SLC25A21: variants seen among roughly 807,000 people sequenced by gnomAD.
SLC25A21 encodes the protein solute carrier family 25 member 21, also known as mitochondrial 2-oxodicarboxylate carrier.
A neutral mutation model predicts 43.8 loss-of-function variants in SLC25A21; 47 were observed. That is an observed-to-expected ratio of 1.07 (90% CI 0.85 to 1.37). The LOEUF is 1.37. Ranked by LOEUF, SLC25A21 falls within the 40% of genes most tolerant of loss-of-function variation. The probability of loss-of-function intolerance (pLI) is 0.00; values close to 1 mark genes in which losing one functional copy is unlikely to be tolerated. For missense variants in SLC25A21, 352 were observed against 350.2 expected (o/e 1.00, Z -0.04); for synonymous variants, 131 against 121.3 (o/e 1.08, Z -0.52).
At chr14:36,688,406 T>C (rs146978464) in intron 7 of SLC25A21, among the ~76,000 whole-genome samples, 1 of 152,344 alleles carries the variant, frequency 6.6e-6, no homozygotes, top group Non-Finnish European at 1.5e-5. Context: ...TACTCCTCTT[T>C]GTGTCACCTG....
intron 2 of SLC25A21, among the ~76,000 whole-genome samples, chr14:36,830,741 G>A (rs1889009080): frequency 1.3e-5 from 2 of 151,964 alleles, no homozygotes; most frequent in Admixed American, 1.3e-4. Flanking sequence ...ACCACACATA[G>A]AAACCCACAT....
intron 2 of SLC25A21, among the ~76,000 whole-genome samples, chr14:36,874,116 T>A (rs1890450681): frequency 6.6e-6 from 1 of 152,224 alleles, no homozygotes; most frequent in Non-Finnish European, 1.5e-5. Flanking sequence ...CTGCTGCCTT[T>A]TTAGGTAGAG....
At chr14:36,909,999 T>C (rs1465592429) in intron 1 of SLC25A21, among the ~76,000 whole-genome samples, 4 of 152,186 alleles carry the variant, frequency 2.6e-5, no homozygotes, top group Non-Finnish European at 5.9e-5. Context: ...CCAGTGCTTC[T>C]ACATGACACT....
chr14:36,783,709 T>C (rs1887153986), intron 3 of SLC25A21, among the ~76,000 whole-genome samples: 1 of 152,198 alleles, frequency 6.6e-6, no homozygotes, highest in Admixed American at 6.5e-5. Flanking sequence ...ATTCTCTAGA[T>C]AGATTTTTTG....
intron 3 of SLC25A21, among the ~76,000 whole-genome samples, chr14:36,789,984 T>C (rs1887425535): frequency 7.5e-6 from 1 of 132,640 alleles, no homozygotes; most frequent in African/African-American, 2.9e-5. Flanking sequence ...TAAAAATATA[T>C]ATATATTTTT....
intron 1 of SLC25A21, among the ~76,000 whole-genome samples, chr14:36,984,078 C>T (rs556251932): frequency 5.3e-5 from 8 of 152,172 alleles, no homozygotes; most frequent in African/African-American, 1.9e-4. Context: ...CAAAGCTCAC[C>T]ATTATGCAAT....
At chr14:36,748,970 C>A (rs2139255384) in intron 3 of SLC25A21, among the ~76,000 whole-genome samples, 1 of 152,320 alleles carries the variant, frequency 6.6e-6, no homozygotes, top group East Asian at 1.9e-4. Flanking sequence ...CTCTGTCTAT[C>A]ATGAATTATT....
intron 7 of SLC25A21, among the ~76,000 whole-genome samples, chr14:36,693,448 T>C (rs1399517060): frequency 6.6e-6 from 1 of 152,130 alleles, no homozygotes; most frequent in African/African-American, 2.4e-5. Flanking sequence ...TTAAAAATTA[T>C]CATCATGGGC....
chr14:37,024,650 C>A (rs1202840933), intron 1 of SLC25A21, among the ~76,000 whole-genome samples: 1 of 151,620 alleles, frequency 6.6e-6, no homozygotes, highest in South Asian at 2.1e-4. Context: ...TAAAAAAAAA[C>A]AGATCAACAG....
At chr14:36,860,037 C>T (rs1890022971) in intron 2 of SLC25A21, among the ~76,000 whole-genome samples, 1 of 151,656 alleles carries the variant, frequency 6.6e-6, no homozygotes, top group Admixed American at 6.6e-5. Context: ...TTTAGGAAGC[C>T]TACACTCCAA....
At chr14:36,694,158 C>T (rs539707590) in intron 7 of SLC25A21, among the ~76,000 whole-genome samples, 5 of 151,886 alleles carry the variant, frequency 3.3e-5, no homozygotes, top group Admixed American at 1.3e-4. Context: ...TGAGAACATG[C>T]GGTGTTTGGT....
intron 1 of SLC25A21, among the ~76,000 whole-genome samples, chr14:37,004,136 T>C (rs1368703914): frequency 6.6e-6 from 1 of 152,222 alleles, no homozygotes; most frequent in Non-Finnish European, 1.5e-5. Context: ...TGGTGCCACA[T>C]GTTCTCTGTG....
intron 9 of SLC25A21, among the ~76,000 whole-genome samples, chr14:36,681,911 T>C (rs1882283249): frequency 1.3e-5 from 2 of 152,198 alleles, no homozygotes; most frequent in Non-Finnish European, 2.9e-5. Context: ...GGGTCATTAA[T>C]GTGTAGGTAA....
At chr14:36,815,100 A>G (rs1377429279) in intron 2 of SLC25A21, among the ~76,000 whole-genome samples, 2 of 152,196 alleles carry the variant, frequency 1.3e-5, no homozygotes, top group African/African-American at 4.8e-5. Context: ...GTTCTCACTC[A>G]TAAGTGGGAG....
At chr14:36,751,153 C>T (rs1241558313) in intron 3 of SLC25A21, among the ~76,000 whole-genome samples, 1 of 152,204 alleles carries the variant, frequency 6.6e-6, no homozygotes, top group African/African-American at 2.4e-5. Flanking sequence ...TTTCATTACA[C>T]CTCTGTCTAT....
At chr14:36,901,878 C>T (rs1171819328) in intron 1 of SLC25A21, among the ~76,000 whole-genome samples, 1 of 152,210 alleles carries the variant, frequency 6.6e-6, no homozygotes, top group Non-Finnish European at 1.5e-5. Flanking sequence ...GCTTAAGTTT[C>T]TGCATCAAAT....
intron 1 of SLC25A21, among the ~76,000 whole-genome samples, chr14:37,069,966 C>G (rs142768150): frequency 2.0e-5 from 3 of 152,266 alleles, no homozygotes; most frequent in East Asian, 3.9e-4. Flanking sequence ...GTTCACCCCA[C>G]TGATAACAAA....
intron 1 of SLC25A21, among the ~76,000 whole-genome samples, chr14:37,019,190 A>G (rs1284126458): frequency 6.6e-6 from 1 of 151,858 alleles, no homozygotes; most frequent in Non-Finnish European, 1.5e-5. Context: ...ATCTCATGCC[A>G]TTGGTTCCTT....
At chr14:36,951,171 C>T (rs1441311831) in intron 1 of SLC25A21, among the ~76,000 whole-genome samples, 1 of 150,620 alleles carries the variant, frequency 6.6e-6, no homozygotes, top group Non-Finnish European at 1.5e-5. Flanking sequence ...CTACTCACTA[C>T]TTCTTTAAAA....
Sources: gnomAD v4.1 joint callset for allele counts (sites outside exome capture counted in the v4.1 genomes callset) on GRCh38, gnomAD v4.1.1 for gene constraint, MANE v1.5 for transcripts, NCBI Gene and HGNC (gene_info 2026-07-23, HGNC 2026-07-21) for gene names.